The following CBLB variants were observed in gnomAD, a reference collection of about 807,000 sequenced individuals.
The protein encoded by CBLB is E3 ubiquitin-protein ligase CBL-B.
Under a neutral mutation model 104.9 loss-of-function variants are expected in CBLB, and 31 were observed. That is an observed-to-expected ratio of 0.30 (90% CI 0.22 to 0.40). The LOEUF (loss-of-function observed/expected upper bound fraction) is 0.40. CBLB is among the 10% of genes least tolerant of loss of function. The probability of loss-of-function intolerance (pLI) is 1.00; values close to 1 mark genes in which losing one functional copy is unlikely to be tolerated. For missense variants in CBLB, 1,062 were observed against 1,214.6 expected, an observed-to-expected ratio of 0.87 and a Z score of 1.87; for synonymous variants, 440 against 422.6, an observed-to-expected ratio of 1.04 and a Z score of -0.51.
intron 18 of CBLB, among the ~76,000 whole-genome samples, chr3:105,667,793 G>A (rs1404912297): frequency 6.6e-6 from 1 of 152,142 alleles, no homozygotes; most frequent in Non-Finnish European, 1.5e-5. Flanking sequence ...TATTTAGACA[G>A]CCATAAGTGA....
At chr3:105,735,299 C>T (rs953621457) in intron 8 of CBLB, among the ~76,000 whole-genome samples, 4 of 151,686 alleles carry the variant, frequency 2.6e-5, no homozygotes, top group Non-Finnish European at 4.4e-5. Context: ...AGGAAAGAGA[C>T]GAGAGAATGC....
chr3:105,868,436 C>G (rs1035906489), intron 1 of CBLB: 35 of 383,882 alleles, frequency 9.1e-5, no homozygotes, highest in South Asian at 1.4e-4. Context: ...GTGTCCCTCC[C>G]GTGCCCGCAG....
In CBLB at chr3:105,702,214, G is replaced by A; in HGVS notation, c.1839C>T (p.Gly613=). Residue 613 remains glycine, a synonymous_variant, in exon 12 of 19, where the codon GGC becomes GGT. Coordinates refer to ENST00000394030, the MANE Select transcript of CBLB (RefSeq NM_170662.5). ...QLVGCRLLGE[G]SPKPGITASS... Reference sequence around the variant, plus strand: ...TCGCTGTGATTCCAGGTTTTGGAGAGCCCTCCCCTAGGAGTCGACATCCCA... The same window carrying A: ...TCGCTGTGATTCCAGGTTTTGGAGAACCCTCCCCTAGGAGTCGACATCCCA... The A allele has an allele frequency of 6.2e-7, 1 of 1,614,092 alleles. No individual in the cohort carries two copies. Among genetic ancestry groups the A allele is most frequent in the Non-Finnish European group, 8.5e-7 (1 of 1,180,004 alleles).
intron 3 of CBLB, among the ~76,000 whole-genome samples, chr3:105,778,634 T>C (rs911079691): frequency 6.6e-6 from 1 of 152,052 alleles, no homozygotes; most frequent in African/African-American, 2.4e-5. Context: ...GGGCATAACA[T>C]AGGCCTTATT....
chr3:105,815,882 C>T (rs2084973825), intron 3 of CBLB, among the ~76,000 whole-genome samples: 1 of 152,146 alleles, frequency 6.6e-6, no homozygotes. Context: ...AGAATGAGTT[C>T]ATGTCCTTTG....
chr3:105,659,398 C>T (rs1175709214), intron 18 of CBLB, among the ~76,000 whole-genome samples, 169 bp from the exon 19 acceptor site: 1 of 151,608 alleles, frequency 6.6e-6, no homozygotes. Flanking sequence ...TAGTATTATC[C>T]TCATTTTGAA....
At chr3:105,708,292 CTG>C (rs1033193264) in intron 10 of CBLB, among the ~76,000 whole-genome samples, 90 of 152,206 alleles carry the variant, frequency 5.9e-4, no homozygotes, top group African/African-American at 2.0e-3. Context: ...AATTCTAAGA[CTG>C]TGAACTGTGC....
chr3:105,703,841 G>A, intron 11 of CBLB, 147 bp downstream of exon 11: 1 of 699,870 alleles, frequency 1.4e-6, no homozygotes, highest in Admixed American at 2.4e-5. Context: ...ATATGAATGT[G>A]GGCTCACCAT....
rs932560106 is a variant in CBLB, at chr3:105,853,617, T to C, written c.216A>G (p.Pro72=). The part of the protein sequence containing the change: ...NPKLQLKNSP[P]YILDILPDTY... ...TATCAGGCAAAATATCAAGTATATATGGTGGGCTATTTTTCAACTGAAGTT... is the reference window on the plus strand; with the variant it reads ...TATCAGGCAAAATATCAAGTATATACGGTGGGCTATTTTTCAACTGAAGTT... The change falls in exon 3 of 19, where the codon CCA becomes CCG. Residue 72 remains proline, a synonymous_variant. Transcript: ENST00000394030. The C allele has an allele frequency of 2.5e-6, 4 of 1,609,532 alleles. No homozygotes were observed. Among genetic ancestry groups the C allele is most frequent in the Non-Finnish European group, 3.4e-6 (4 of 1,176,860 alleles).
At chr3:105,863,231 T>C (rs1373101641) in intron 2 of CBLB, among the ~76,000 whole-genome samples, 1 of 152,202 alleles carries the variant, frequency 6.6e-6, no homozygotes, top group African/African-American at 2.4e-5. Context: ...ACTTTATCAA[T>C]AGCTTTTCTA....
chr3:105,868,034 T>C, intron 1 of CBLB: 1 of 488,084 alleles, frequency 2.0e-6, no homozygotes, highest in Non-Finnish European at 3.5e-6. Flanking sequence ...GAAACTTCAC[T>C]TTCACTCTGT....
At chr3:105,699,493 T>C (rs1308490598) in intron 12 of CBLB, among the ~76,000 whole-genome samples, 1 of 152,168 alleles carries the variant, frequency 6.6e-6, no homozygotes, top group Non-Finnish European at 1.5e-5. Context: ...CAGTATATTC[T>C]AGAGCAAAAA....
chr3:105,736,170 A>G (rs2074917114), intron 8 of CBLB, among the ~76,000 whole-genome samples: 2 of 152,138 alleles, frequency 1.3e-5, no homozygotes, highest in Non-Finnish European at 2.9e-5. Context: ...AACATATCTC[A>G]AATATAAAAT....
chr3:105,739,271 T>C (rs536944209), intron 7 of CBLB, among the ~76,000 whole-genome samples: 2 of 152,358 alleles, frequency 1.3e-5, no homozygotes, highest in Admixed American at 6.5e-5. Flanking sequence ...TCACTTTTTT[T>C]CTTTTCTTTC....
At chr3:105,753,365 GC>G (rs2076758064) in intron 4 of CBLB, among the ~76,000 whole-genome samples, 2 of 36,022 alleles carry the variant, frequency 5.6e-5, no homozygotes, top group Admixed American at 4.1e-4. Context: ...ACAAAATGCT[GC>G]TGTTTTTTTT....
intron 12 of CBLB, among the ~76,000 whole-genome samples, chr3:105,697,181 T>C (rs1371185556): frequency 6.6e-6 from 1 of 151,928 alleles, no homozygotes; most frequent in Non-Finnish European, 1.5e-5. Context: ...ATAGCTGAAT[T>C]AGGTAATGAG....
intron 10 of CBLB, among the ~76,000 whole-genome samples, chr3:105,708,082 A>T (rs2152800471): frequency 6.6e-6 from 1 of 152,196 alleles, no homozygotes; most frequent in African/African-American, 2.4e-5. Context: ...TTAGCCCACC[A>T]GTTCATATTA....
intron 3 of CBLB, among the ~76,000 whole-genome samples, chr3:105,832,888 C>A (rs761566156): frequency 1.3e-5 from 2 of 152,100 alleles, no homozygotes; most frequent in Non-Finnish European, 2.9e-5. Context: ...AAGAACACAG[C>A]AGAATACCAT....
At chr3:105,721,169 T>C (rs984096439) in intron 9 of CBLB, among the ~76,000 whole-genome samples, 1 of 152,146 alleles carries the variant, frequency 6.6e-6, no homozygotes, top group Non-Finnish European at 1.5e-5. Context: ...GTGGCAAAAA[T>C]CACAAAATTA....
Sources: gnomAD v4.1 joint callset for allele counts (sites outside exome capture counted in the v4.1 genomes callset) on GRCh38, gnomAD v4.1.1 for gene constraint, MANE v1.5 for transcripts, NCBI Gene and HGNC (gene_info 2026-07-23, HGNC 2026-07-21) for gene names.